The following WDR70 variants were observed in gnomAD, a reference collection of about 807,000 sequenced individuals.
WDR70 encodes WD repeat domain 70.
Under a neutral mutation model 88.6 loss-of-function variants are expected in WDR70, and 53 were observed. The ratio of observed to expected loss-of-function variants is 0.60; its 90% CI spans 0.48 to 0.75. The LOEUF (loss-of-function observed/expected upper bound fraction) is 0.75, where lower values mean the gene tolerates loss of function less well. WDR70 is among the 30% of genes least tolerant of loss of function. The probability of loss-of-function intolerance (pLI) is 0.00; values close to 1 mark genes in which losing one functional copy is unlikely to be tolerated. For synonymous variants in WDR70, 280 were observed against 270.0 expected (o/e 1.04, Z -0.36); for missense variants, 610 against 823.2 (o/e 0.74, Z 3.17).
chr5:37,679,232 C>T (rs917588051), intron 10 of WDR70, among the ~76,000 whole-genome samples: 18 of 152,214 alleles, frequency 1.2e-4, no homozygotes, highest in Non-Finnish European at 1.8e-4. Context: ...TCTCTCAACT[C>T]GTCAGTGTCA....
chr5:37,391,959 C>T (rs1211765080), intron 3 of WDR70, 41 bp from the exon 4 acceptor site: 1 of 1,576,428 alleles, frequency 6.3e-7, no homozygotes, highest in South Asian at 1.2e-5. Context: ...TGAATTGTAA[C>T]CGTTGGGATT....
chr5:37,413,401 A>T (rs964738996), intron 5 of WDR70, among the ~76,000 whole-genome samples: 3 of 152,168 alleles, frequency 2.0e-5, no homozygotes, highest in African/African-American at 4.8e-5. Context: ...TATATTTAAA[A>T]TTTTATCTTA....
At chr5:37,733,156 C>A (rs1180355243) in intron 17 of WDR70, among the ~76,000 whole-genome samples, 1 of 152,114 alleles carries the variant, frequency 6.6e-6, no homozygotes, top group Admixed American at 6.6e-5. Flanking sequence ...TTCTATGCCT[C>A]TTCTAGCTTC....
rs1228049881 is a variant in WDR70, at chr5:37,497,426, C to CGT, written c.840+17439_840+17440insGT. On this transcript the variant is annotated intron_variant, in intron 8 of 17. Transcript: ENST00000265107. ...CTTCCCCTCCCCTCCCCTTCCCTTCCCTCTTCCCTTCCCTTCCGTCTTCCC... is the reference window on the plus strand; with the variant it reads ...CTTCCCCTCCCCTCCCCTTCCCTTCCGTCTCTTCCCTTCCCTTCCGTCTTCCC... 9.5e-5 allele frequency among the ~76,000 whole-genome samples: 13 copies of CGT among 137,334 alleles called. 1 individual carries two copies. In the East Asian group the frequency reaches 2.6e-3, roughly 28 times the overall value. The allele number at this position is 137,334 out of a possible 152,430, so 90.1% of individuals were successfully genotyped here. A position where few individuals can be genotyped will look rare whatever the true frequency, so the allele number is the denominator to read the frequency against.
At chr5:37,677,113 A>T (rs1746251230) in intron 10 of WDR70, among the ~76,000 whole-genome samples, 1 of 150,846 alleles carries the variant, frequency 6.6e-6, no homozygotes, top group Non-Finnish European at 1.5e-5. Context: ...CATCTATTTG[A>T]TTCTTCTCTC....
chr5:37,513,683 GAT>G (rs1425116330), intron 8 of WDR70, among the ~76,000 whole-genome samples: 1 of 152,170 alleles, frequency 6.6e-6, no homozygotes, highest in Admixed American at 6.5e-5. Context: ...CTTGGAGTCC[GAT>G]GTTTGAGGGC....
chr5:37,582,527 G>A (rs1208783050), intron 9 of WDR70, among the ~76,000 whole-genome samples: 1 of 152,182 alleles, frequency 6.6e-6, no homozygotes, highest in Admixed American at 6.5e-5. Context: ...GGTATGCTTT[G>A]CAACCAGGTT....
At chr5:37,419,268 G>A (rs955266539) in intron 5 of WDR70, among the ~76,000 whole-genome samples, 7 of 149,652 alleles carry the variant, frequency 4.7e-5, no homozygotes, top group Admixed American at 1.3e-4. Context: ...GTGCAGTGGC[G>A]CAATCTTGGC....
chr5:37,618,268 T>C (rs1023341148), intron 10 of WDR70, among the ~76,000 whole-genome samples: 3 of 152,206 alleles, frequency 2.0e-5, no homozygotes, highest in Admixed American at 2.0e-4. Context: ...ATAAGCAGAT[T>C]CAATAGAAGG....
intron 9 of WDR70, among the ~76,000 whole-genome samples, chr5:37,577,054 A>G (rs1427068504): frequency 6.6e-6 from 1 of 152,108 alleles, no homozygotes; most frequent in African/African-American, 2.4e-5. Flanking sequence ...ATCTGATCAG[A>G]TATTCATTCA....
At chr5:37,502,086 G>T (rs1740420239) in intron 8 of WDR70, among the ~76,000 whole-genome samples, 1 of 152,168 alleles carries the variant, frequency 6.6e-6, no homozygotes, top group African/African-American at 2.4e-5. Flanking sequence ...ATTTACATTT[G>T]TTTGTGTCAT....
intron 9 of WDR70, among the ~76,000 whole-genome samples, chr5:37,591,737 C>G (rs772973012): frequency 6.6e-6 from 1 of 152,122 alleles, no homozygotes; most frequent in Non-Finnish European, 1.5e-5. Flanking sequence ...AAAAAGGAAA[C>G]CATAGACTGA....
intron 17 of WDR70, 36 bp downstream of exon 17, chr5:37,727,081 A>T: frequency 6.3e-7 from 1 of 1,586,898 alleles, no homozygotes. Context: ...GAAAATTGTT[A>T]TGTTTAATGA....
At chr5:37,401,565 C>T (rs1390965794) in intron 5 of WDR70, among the ~76,000 whole-genome samples, 1 of 150,532 alleles carries the variant, frequency 6.6e-6, no homozygotes, top group Non-Finnish European at 1.5e-5. Context: ...AATCCACCTA[C>T]CTTGGCCTCC....
At chr5:37,489,918 T>C (rs1407237814) in intron 8 of WDR70, among the ~76,000 whole-genome samples, 1 of 152,026 alleles carries the variant, frequency 6.6e-6, no homozygotes, top group Non-Finnish European at 1.5e-5. Context: ...TAGCATTAGG[T>C]ATATCTCCCA....
chr5:37,415,799 C>T (rs1581261237), intron 5 of WDR70, among the ~76,000 whole-genome samples: 1 of 144,152 alleles, frequency 6.9e-6, no homozygotes, highest in Non-Finnish European at 1.5e-5. Flanking sequence ...TCAGACGGGG[C>T]GGCCGGGCAG....
At chr5:37,568,332 C>G (rs1420396630) in intron 9 of WDR70, among the ~76,000 whole-genome samples, 1 of 152,130 alleles carries the variant, frequency 6.6e-6, no homozygotes, top group Non-Finnish European at 1.5e-5. Context: ...TTTATAAATG[C>G]AGGTTAAAAA....
At position 37,679,580 on chromosome 5, in the gene WDR70, G is replaced by A. The variant is rs572508765; in HGVS notation, c.1093-18075G>A. 1.3e-3 allele frequency among the ~76,000 whole-genome samples: 203 copies of A among 152,300 alleles called. 2 individuals are homozygous for A. Among genetic ancestry groups the A allele is most frequent in the African/African-American group, 4.5e-3 (189 of 41,554 alleles). ...GAACCGCGAATGCTGCTATCTGATC[G>A]TTCCTCTGGAAGTTTTGTCTCAGAG... On this transcript the variant is annotated intron_variant, in intron 10 of 17. Coordinates refer to ENST00000265107, the MANE Select transcript of WDR70 (RefSeq NM_018034.4).
intron 10 of WDR70, among the ~76,000 whole-genome samples, chr5:37,686,283 C>G (rs1431210923): frequency 2.0e-5 from 3 of 151,228 alleles, no homozygotes; most frequent in African/African-American, 7.3e-5. Flanking sequence ...TCACTGCACT[C>G]CAACCTGGGT....
Sources: allele counts gnomAD v4.1 joint callset (sites outside exome capture counted in the v4.1 genomes callset), GRCh38; gene constraint gnomAD v4.1.1; transcripts MANE v1.5; gene names NCBI Gene and HGNC (gene_info 2026-07-23, HGNC 2026-07-21).